The following SLC2A13 variants were observed in gnomAD, a reference collection of about 807,000 sequenced individuals.
SLC2A13 encodes the protein solute carrier family 2 member 13.
In SLC2A13, 32 loss-of-function variants were observed where a neutral mutation model predicts 64.4. The ratio of observed to expected loss-of-function variants is 0.50; its 90% CI spans 0.37 to 0.67. The LOEUF (loss-of-function observed/expected upper bound fraction) is 0.67, where lower values mean the gene tolerates loss of function less well. SLC2A13 is among the 30% of genes least tolerant of loss of function. The probability of loss-of-function intolerance (pLI) is 0.00; values close to 1 mark genes in which losing one functional copy is unlikely to be tolerated. For missense variants in SLC2A13, 743 were observed against 829.2 expected (o/e 0.90, Z 1.28); for synonymous variants, 338 against 327.1 (o/e 1.03, Z -0.36).
In SLC2A13 at chr12:39,929,465, C is replaced by T. The variant is rs545570302; in HGVS notation, c.1034+21792G>A. Among the ~76,000 whole-genome samples, 6 of 151,612 alleles carry T rather than the reference C, an allele frequency of 4.0e-5. No homozygotes were observed. The South Asian group carries it at 1.0e-3, about 26-fold the overall frequency. Reference sequence around the variant, plus strand: ...ACTCAGGAGGCTGAGGCAGGAGAATCGCTTGAACCCGGGAGGCAGAGGTTG... The same window carrying T: ...ACTCAGGAGGCTGAGGCAGGAGAATTGCTTGAACCCGGGAGGCAGAGGTTG... On this transcript the variant is annotated intron_variant, in intron 4 of 9. Coordinates refer to ENST00000280871, the MANE Select transcript of SLC2A13 (RefSeq NM_052885.4).
At chr12:39,878,521 C>T (rs1944252618) in intron 4 of SLC2A13, among the ~76,000 whole-genome samples, 1 of 152,058 alleles carries the variant, frequency 6.6e-6, no homozygotes, top group Admixed American at 6.6e-5. Flanking sequence ...GTTCATGTGT[C>T]AGGGGTCTGT....
At chr12:40,041,217 A>G (rs1045369225) in intron 2 of SLC2A13, among the ~76,000 whole-genome samples, 5 of 152,138 alleles carry the variant, frequency 3.3e-5, no homozygotes, top group African/African-American at 1.2e-4. Context: ...GTGTTATGAA[A>G]GTGAGAGCAA....
chr12:39,874,485 G>A (rs992468651), intron 4 of SLC2A13, among the ~76,000 whole-genome samples: 11 of 151,872 alleles, frequency 7.2e-5, no homozygotes, highest in Non-Finnish European at 1.6e-4. Flanking sequence ...CATGGTAGCG[G>A]GCACCTGTAA....
Position 39,863,952 on chromosome 12 carries a change from A to T in SLC2A13, c.1319+810T>A, listed in dbSNP as rs74754869. On this transcript the variant is annotated intron_variant, in intron 6 of 9. Coordinates refer to ENST00000280871, the MANE Select transcript of SLC2A13 (RefSeq NM_052885.4). ...ACTCATTGATTTGAGACTTGCGTCC[A>T]TCTATTTCAAGCTAAAGGAATATAC... Among the ~76,000 whole-genome samples the T allele has an allele frequency of 6.0e-3, 914 of 152,336 alleles. 5 individuals are homozygous for T. The highest frequency in any genetic ancestry group is 0.021 in the African/African-American group (853 of 41,574).
chr12:40,043,612 T>C (rs1338889542), intron 2 of SLC2A13, among the ~76,000 whole-genome samples: 4 of 152,138 alleles, frequency 2.6e-5, no homozygotes, highest in Admixed American at 1.3e-4. Flanking sequence ...GCTGAAACTG[T>C]TCGTCACTAT....
At chr12:40,024,236 T>C (rs1220133952) in intron 3 of SLC2A13, among the ~76,000 whole-genome samples, 1 of 150,880 alleles carries the variant, frequency 6.6e-6, no homozygotes, top group Non-Finnish European at 1.5e-5. Flanking sequence ...TATTTAAATT[T>C]GCTTTCAATT....
chr12:40,037,109 T>G (rs1278968935), intron 2 of SLC2A13, among the ~76,000 whole-genome samples: 2 of 152,196 alleles, frequency 1.3e-5, no homozygotes, highest in African/African-American at 4.8e-5. Flanking sequence ...CCCTTTTACA[T>G]ACTGCTTGGT....
chr12:39,830,864 G>T (rs1289626774), intron 6 of SLC2A13, among the ~76,000 whole-genome samples: 1 of 152,148 alleles, frequency 6.6e-6, no homozygotes, highest in African/African-American at 2.4e-5. Context: ...AGTAGGTATA[G>T]AAACAAAGGC....
chr12:39,901,213 C>T (rs1417114625), intron 4 of SLC2A13, among the ~76,000 whole-genome samples: 3 of 152,102 alleles, frequency 2.0e-5, no homozygotes, highest in East Asian at 1.9e-4. Context: ...AAGACTTAAA[C>T]GTTAGACCTG....
chr12:40,026,228 T>A (rs994630416), intron 3 of SLC2A13, among the ~76,000 whole-genome samples: 3 of 152,238 alleles, frequency 2.0e-5, no homozygotes, highest in Admixed American at 6.5e-5. Context: ...TTAATAATCC[T>A]ATTAGTTCCA....
chr12:39,902,268 C>A (rs1945145196), intron 4 of SLC2A13, among the ~76,000 whole-genome samples: 1 of 151,248 alleles, frequency 6.6e-6, no homozygotes, highest in Non-Finnish European at 1.5e-5. Flanking sequence ...TGCAGCACAC[C>A]AGCATGGCAC....
In SLC2A13 at chr12:39,767,346, A is replaced by T. The variant is rs183557530; in HGVS notation, c.1446-2488T>A. 3.3e-5 allele frequency among the ~76,000 whole-genome samples: 5 copies of T among 151,994 alleles called. No homozygotes were observed. The East Asian group carries it at 9.7e-4, about 30-fold the overall frequency. On this transcript the variant is annotated intron_variant, in intron 7 of 9. Transcript: ENST00000280871. ...GCAGTAGGTCTCCATAGTGGCTTAA[A>T]ATATTCTCCAAACTATGCTGTAAAT...
intron 2 of SLC2A13, among the ~76,000 whole-genome samples, chr12:40,038,394 T>G (rs1948024505): frequency 6.6e-6 from 1 of 152,092 alleles, no homozygotes; most frequent in South Asian, 2.1e-4. Context: ...TAACATTTAT[T>G]TTATACCCCA....
chr12:39,827,206 G>C (rs937300279), intron 7 of SLC2A13, among the ~76,000 whole-genome samples: 1 of 151,856 alleles, frequency 6.6e-6, no homozygotes, highest in Non-Finnish European at 1.5e-5. Context: ...ATTTGTTTAC[G>C]TTTCTCAACT....
chr12:39,946,612 C>A (rs1565555626), intron 4 of SLC2A13, among the ~76,000 whole-genome samples: 1 of 152,144 alleles, frequency 6.6e-6, no homozygotes, highest in East Asian at 1.9e-4. Flanking sequence ...GCTCCCTCTG[C>A]TGAGTCATGC....
chr12:39,967,035 T>C (rs1270464201), intron 3 of SLC2A13, among the ~76,000 whole-genome samples: 2 of 152,156 alleles, frequency 1.3e-5, no homozygotes, highest in Non-Finnish European at 2.9e-5. Context: ...ATATGGTCAG[T>C]GGCAATCTGT....
chr12:39,947,723 T>C (rs889245670), intron 4 of SLC2A13, among the ~76,000 whole-genome samples: 3 of 148,672 alleles, frequency 2.0e-5, no homozygotes, highest in South Asian at 2.1e-4. Context: ...TGCAATGGCA[T>C]GATCTCGGCT....
chr12:39,774,071 T>C (rs75261136), intron 7 of SLC2A13, among the ~76,000 whole-genome samples: 1 of 152,200 alleles, frequency 6.6e-6, no homozygotes. Flanking sequence ...CTAATAGTTC[T>C]TTGTTGATAG....
At chr12:40,035,780 C>T (rs10877990) in intron 2 of SLC2A13, among the ~76,000 whole-genome samples, 55,761 of 151,974 alleles carry the variant, frequency 0.37, 10,497 homozygotes, top group African/African-American at 0.43. Flanking sequence ...ACCAAGTAAA[C>T]TAATATCAGC....
Sources: allele counts gnomAD v4.1 joint callset (sites outside exome capture counted in the v4.1 genomes callset), GRCh38; gene constraint gnomAD v4.1.1; transcripts MANE v1.5; gene names NCBI Gene and HGNC (gene_info 2026-07-23, HGNC 2026-07-21).